NCAN: variants seen among roughly 807,000 people sequenced by gnomAD.
The protein encoded by NCAN is neurocan.
NCAN carries 47 observed loss-of-function variants against 121.8 expected under a neutral mutation model. The ratio of observed to expected loss-of-function variants is 0.39; its 90% confidence interval spans 0.31 to 0.49. The LOEUF is 0.49. Ranked by LOEUF, NCAN falls within the 20% of genes least tolerant of loss-of-function variation. The probability of loss-of-function intolerance (pLI) is 0.92; values close to 1 mark genes in which losing one functional copy is unlikely to be tolerated. For missense variants in NCAN, 1,517 were observed against 1,773.4 expected (o/e 0.86, Z 2.60); for synonymous variants, 633 against 702.0 (o/e 0.90, Z 1.55).
At chr19:19,222,219 T>C (rs1418537264) in intron 3 of NCAN, among the ~76,000 whole-genome samples, 1 of 152,112 alleles carries the variant, frequency 6.6e-6, no homozygotes. Flanking sequence ...AACAAACTGA[T>C]TGGTGGTGAG....
chr19:19,248,866 A>T lies in NCAN; in HGVS notation c.3804A>T (p.Gln1268His). 1 of 1,614,104 alleles carries T rather than the reference A, an allele frequency of 6.2e-7. No homozygotes were observed. Among genetic ancestry groups the T allele is most frequent in the African/African-American group, 1.3e-5 (1 of 75,042 alleles). The change falls in exon 14 of 15, where the codon CAA becomes CAT. Residue 1268 changes from glutamine to histidine, a missense_variant. Transcript: ENST00000252575. ...CRSNGKWDRP[Q>H]IVCTKPRRSH... ...GCAATGGCAAGTGGGACAGGCCCCAAATTGTCTGCACCAAACGTAAGTAGC... is the reference window on the plus strand; with the variant it reads ...GCAATGGCAAGTGGGACAGGCCCCATATTGTCTGCACCAAACGTAAGTAGC...
chr19:19,215,093 A>C (rs2060791556), intron 1 of NCAN, among the ~76,000 whole-genome samples: 1 of 152,106 alleles, frequency 6.6e-6, no homozygotes, highest in Admixed American at 6.5e-5. Context: ...GGGGTGGACT[A>C]GGTGGGCTTT....
rs1347020217 is a variant in NCAN, at chr19:19,251,061, C to A, written c.*1150C>A. On this transcript the variant is annotated 3_prime_UTR_variant, in exon 15 of 15. Coordinates refer to ENST00000252575, the MANE Select transcript of NCAN (RefSeq NM_004386.3). ...TGCCTTCCTCCCCCAAATGTGCAAC[C>A]TGTAAAAGGTCTCTCCACACCAGGG... 1 of 152,182 alleles carries A rather than the reference C, an allele frequency of 6.6e-6. No homozygotes were observed. The highest frequency in any genetic ancestry group is 1.5e-5 in the Non-Finnish European group (1 of 68,048). The allele number at this position is 152,182 out of a possible 1,614,324, so 9.4% of individuals were successfully genotyped here.
chr19:19,216,844 G>A (rs955968748), intron 1 of NCAN, 103 bp from the exon 2 acceptor site: 7 of 597,724 alleles, frequency 1.2e-5, no homozygotes, highest in Admixed American at 9.6e-5. Context: ...TCTGAGCCCT[G>A]GTTTCCTGAT....
chr19:19,249,574 C>T (rs1428106427), intron 14 of NCAN, among the ~76,000 whole-genome samples, 192 bp from the exon 15 acceptor site: 1 of 152,012 alleles, frequency 6.6e-6, no homozygotes, highest in African/African-American at 2.4e-5. Context: ...GCTATGTTGC[C>T]CAAGCTGGTC....
chr19:19,225,919 C>CTCAGGCCCATGGG lies in NCAN; in HGVS notation c.1073-567_1073-566insTCAGGCCCATGGG, dbSNP rs2060834980. 6.6e-6 allele frequency among the ~76,000 whole-genome samples: 1 copy of CTCAGGCCCATGGG among 152,152 alleles called. No homozygotes were observed. Among genetic ancestry groups the CTCAGGCCCATGGG allele is most frequent in the Non-Finnish European group, 1.5e-5 (1 of 68,022 alleles). ...ACACTACCTGAGCTTTGCCCATGAG[C>CTCAGGCCCATGGG]CAAATTGTCTTTTTTTCTTTTTTCT... On this transcript the variant is annotated intron_variant, in intron 6 of 14. Transcript: ENST00000252575. This position sits in a 1 kb window ranked among gnomAD's most constrained non-coding sequence, Gnocchi z 4.0.
At chr19:19,233,558 TG>T (rs2060869322) in intron 8 of NCAN, among the ~76,000 whole-genome samples, 1 of 152,174 alleles carries the variant, frequency 6.6e-6, no homozygotes, top group Non-Finnish European at 1.5e-5. Context: ...GGAAGGACTT[TG>T]CTACAGGCAG....
chr19:19,234,025 C>A, intron 9 of NCAN, 120 bp downstream of exon 9: 1 of 640,656 alleles, frequency 1.6e-6, no homozygotes. Context: ...TCAGATGCTC[C>A]ATTCCCAAAC....
Position 19,228,488 on chromosome 19 carries a change from C to T in NCAN, c.2868C>T (p.Ser956=). ...AGCCTACGGTACCGTGGGACCCCTCCAGCACCCTGCTGCCTGTCACCCTGG... is the reference window on the plus strand; with the variant it reads ...AGCCTACGGTACCGTGGGACCCCTCTAGCACCCTGCTGCCTGTCACCCTGG... ...SGEPTVPWDP[S]STLLPVTLGI... Residue 956 remains serine, a synonymous_variant, in exon 8 of 15, where the codon TCC becomes TCT. Transcript: ENST00000252575. The T allele has an allele frequency of 1.2e-6, 2 of 1,613,586 alleles. No homozygotes were observed. Among genetic ancestry groups the T allele is most frequent in the South Asian group, 2.2e-5 (2 of 91,090 alleles).
At chr19:19,234,540 T>G (rs2146548980) in intron 9 of NCAN, among the ~76,000 whole-genome samples, 1 of 152,340 alleles carries the variant, frequency 6.6e-6, no homozygotes, top group Non-Finnish European at 1.5e-5. Context: ...ACTTGCCCAG[T>G]GCCATACGTG....
intron 13 of NCAN, among the ~76,000 whole-genome samples, chr19:19,246,798 T>A (rs565490343): frequency 6.6e-6 from 1 of 152,220 alleles, no homozygotes; most frequent in East Asian, 1.9e-4. Context: ...TGCCTCAGCC[T>A]CCCAAAGTTC....
rs371346616 is a variant in NCAN at position 19,227,101 on chromosome 19, T to C, written c.1660+28T>C. 79 of 1,501,818 alleles carry C rather than the reference T, an allele frequency of 5.3e-5. No individual in the cohort carries two copies. Among genetic ancestry groups the C allele is most frequent in the Non-Finnish European group, 6.2e-5 (70 of 1,127,406 alleles). The allele number at this position is 1,501,818 out of a possible 1,614,324, so 93.0% of individuals were successfully genotyped here. A position where few individuals can be genotyped will look rare whatever the true frequency, so the allele number is the denominator to read the frequency against. On this transcript the variant is annotated intron_variant, in intron 7 of 14. Coordinates refer to ENST00000252575, the MANE Select transcript of NCAN (RefSeq NM_004386.3). The surrounding 1 kb of genome is among the most constrained non-coding windows in gnomAD (Gnocchi z 4.2). The stretch of plus-strand genomic sequence containing the variant: ...GAGTTGCTCTGGGGGAGGCGGGACC[T>C]ACCTGGGGATCTGGAGGTGAGGGTA...
intron 13 of NCAN, among the ~76,000 whole-genome samples, chr19:19,247,069 C>T (rs970234866): frequency 6.6e-6 from 1 of 151,962 alleles, no homozygotes; most frequent in Admixed American, 6.6e-5. Flanking sequence ...ATCCTCCCCC[C>T]CATTTATTCA....
At chr19:19,249,104 T>C (rs919453846) in intron 14 of NCAN, 2 of 498,848 alleles carry the variant, frequency 4.0e-6, no homozygotes, top group African/African-American at 2.0e-5. Context: ...AGAGATGGAG[T>C]TGTGCTCTGT....
chr19:19,216,182 G>C (rs552973685), intron 1 of NCAN, among the ~76,000 whole-genome samples: 1 of 152,016 alleles, frequency 6.6e-6, no homozygotes, highest in African/African-American at 2.4e-5. Context: ...TCAGTCTCGC[G>C]CTGTCACCCA....
chr19:19,244,307 A>ATGTT (rs2060915784), intron 12 of NCAN, among the ~76,000 whole-genome samples: 1 of 89,144 alleles, frequency 1.1e-5, no homozygotes, highest in Non-Finnish European at 2.1e-5. Flanking sequence ...AACCCTTACT[A>ATGTT]TCTTTTTTTT....
chr19:19,212,604 A>G lies in NCAN; in HGVS notation c.-8+540A>G, dbSNP rs2060779509. Among the ~76,000 whole-genome samples, 2 of 152,194 alleles carry G rather than the reference A, an allele frequency of 1.3e-5. No homozygotes were observed. Among genetic ancestry groups the G allele is most frequent in the African/African-American group, 4.8e-5 (2 of 41,442 alleles). ...CGCTGAGAGCGAACGGCCATGGGGA[A>G]GGGGCTCCCTGCCATCTCCCTGTCC... On this transcript the variant is annotated intron_variant, in intron 1 of 14. Transcript: ENST00000252575. This position sits in a 1 kb window ranked among gnomAD's most constrained non-coding sequence, Gnocchi z 4.5.
Position 19,225,177 on chromosome 19 carries a change from G to T in NCAN, c.979G>T (p.Gly327Cys). 6.5e-7 allele frequency: 1 copy of T among 1,539,596 alleles called. No individual in the cohort carries two copies. Among genetic ancestry groups the T allele is most frequent in the Non-Finnish European group, 8.7e-7 (1 of 1,154,670 alleles). ...PIQTPRRRCG[G>C]PAPGVRTVYR... ...CCAGACGCCGCGCCGGCGCTGCGGGGGCCCAGCCCCGGGCGTGCGCACCGT... is the reference window on the plus strand; with the variant it reads ...CCAGACGCCGCGCCGGCGCTGCGGGTGCCCAGCCCCGGGCGTGCGCACCGT... Residue 327 changes from glycine to cysteine, a missense_variant, in exon 6 of 15, where the codon GGC becomes TGC. Gly to Cys is a radical substitution (Grantham distance 159). Transcript: ENST00000252575. The surrounding 1 kb of genome is among the most constrained non-coding windows in gnomAD (Gnocchi z 4.0).
chr19:19,232,042 A>G (rs1265437823), intron 8 of NCAN, among the ~76,000 whole-genome samples: 1 of 152,052 alleles, frequency 6.6e-6, no homozygotes, highest in Non-Finnish European at 1.5e-5. Flanking sequence ...GTGGGGATCA[A>G]CCCTGGAAAG....
Sources: gnomAD v4.1 joint callset for allele counts (sites outside exome capture counted in the v4.1 genomes callset) on GRCh38, gnomAD v4.1.1 for gene constraint, Gnocchi (gnomAD v3.1) non-coding constraint, MANE v1.5 for transcripts, NCBI Gene and HGNC (gene_info 2026-07-23, HGNC 2026-07-21) for gene names.